The following RNF6 variants were observed in gnomAD, a reference collection of about 807,000 sequenced individuals.
RNF6 encodes the protein ring finger protein 6, also known as E3 ubiquitin-protein ligase RNF6.
Under a neutral mutation model 50.1 loss-of-function variants are expected in RNF6, and 21 were observed. That is an observed-to-expected ratio of 0.42 (90% confidence interval 0.30 to 0.60). The LOEUF is 0.60. Among genes scored for constraint, RNF6 ranks in the 20% least tolerant of loss-of-function variants. The pLI is 0.20. For missense variants in RNF6, 698 were observed against 838.2 expected (o/e 0.83, Z 2.07); for synonymous variants, 255 against 291.8 (o/e 0.87, Z 1.29).
At chr13:26,140,478 G>T (rs2137553835) in intron 5 of RNF6, among the ~76,000 whole-genome samples, 1 of 152,154 alleles carries the variant, frequency 6.6e-6, no homozygotes, top group East Asian at 1.9e-4. Flanking sequence ...AACAAACTAG[G>T]AATCAAAGGA....
intron 5 of RNF6, among the ~76,000 whole-genome samples, chr13:26,165,414 G>A (rs1447034024): frequency 6.6e-6 from 1 of 152,216 alleles, no homozygotes; most frequent in Non-Finnish European, 1.5e-5. Flanking sequence ...AGCCTGCATA[G>A]GGAGTCTCTA....
chr13:26,140,263 G>A (rs1032080203), intron 5 of RNF6, among the ~76,000 whole-genome samples: 5 of 152,140 alleles, frequency 3.3e-5, no homozygotes, highest in African/African-American at 1.2e-4. Flanking sequence ...ATTGAAAGGA[G>A]TTTAATTGAG....
chr13:26,204,019 C>T (rs1001065539), intron 5 of RNF6, among the ~76,000 whole-genome samples: 1 of 152,146 alleles, frequency 6.6e-6, no homozygotes, highest in Admixed American at 6.5e-5. Context: ...AGCCTCCTTC[C>T]TTCCCTTTCT....
intron 5 of RNF6, among the ~76,000 whole-genome samples, chr13:26,207,496 C>G (rs752760088): frequency 2.0e-5 from 3 of 152,082 alleles, no homozygotes; most frequent in African/African-American, 7.2e-5. Flanking sequence ...AGTGACAACC[C>G]TAAGACAATA....
At chr13:26,197,037 C>T (rs1239787921) in intron 5 of RNF6, among the ~76,000 whole-genome samples, 1 of 151,840 alleles carries the variant, frequency 6.6e-6, no homozygotes, top group Non-Finnish European at 1.5e-5. Flanking sequence ...GGAAATGGGA[C>T]ATGGGAAGAG....
At chr13:26,152,801 G>A (rs1871689750) in intron 5 of RNF6, among the ~76,000 whole-genome samples, 1 of 152,190 alleles carries the variant, frequency 6.6e-6, no homozygotes, top group Admixed American at 6.5e-5. Context: ...GAAGGGAGAA[G>A]TCAGCATGGA....
chr13:26,182,691 G>C (rs964489198), intron 5 of RNF6, among the ~76,000 whole-genome samples: 1 of 152,130 alleles, frequency 6.6e-6, no homozygotes, highest in African/African-American at 2.4e-5. Flanking sequence ...TGTAGTCCCA[G>C]CTACTCAGGA....
intron 5 of RNF6, among the ~76,000 whole-genome samples, chr13:26,170,299 CA>C (rs1872636731): frequency 1.3e-5 from 2 of 150,320 alleles, no homozygotes; most frequent in South Asian, 4.2e-4. Context: ...AAAATTTAAT[CA>C]AAAGCAAAAT....
chr13:26,187,399 C>A (rs1007769880), intron 5 of RNF6, among the ~76,000 whole-genome samples: 8 of 152,298 alleles, frequency 5.3e-5, no homozygotes, highest in South Asian at 4.1e-4. Context: ...AGAATGTCAG[C>A]CCGTGAGCTC....
At chr13:26,219,699 G>A (rs748430160) in intron 2 of RNF6, 32 bp from the exon 3 acceptor site, 2 of 1,560,682 alleles carry the variant, frequency 1.3e-6, no homozygotes, top group African/African-American at 1.4e-5. Flanking sequence ...CATTCAAGGT[G>A]TTAAGTCATG....
In RNF6 at chr13:26,213,864, C is replaced by T. The variant is rs140880434; in HGVS notation, c.2018G>A (p.Arg673Gln). The change falls in exon 5 of 5, where the codon CGG becomes CAG. Residue 673 changes from arginine (R) to glutamine (Q), a missense_variant. Coordinates refer to ENST00000381588, the MANE Select transcript of RNF6 (RefSeq NM_005977.4). ...LSENCTCPIC[R>Q]QPVLGSNIAN... ...TATGTTAGACCCTAAAACAGGCTGC[C>T]GACAGATCGGACAAGTGCAATTCTC... The T allele has an allele frequency of 3.0e-5, 48 of 1,613,302 alleles. No individual in the cohort carries two copies. The highest frequency in any genetic ancestry group is 4.0e-5 in the Non-Finnish European group (47 of 1,179,580).
At chr13:26,175,793 C>G (rs1002856867) in intron 5 of RNF6, among the ~76,000 whole-genome samples, 2 of 152,170 alleles carry the variant, frequency 1.3e-5, no homozygotes, top group African/African-American at 4.8e-5. Flanking sequence ...TAGCAAGATG[C>G]AAGACAATTT....
At chr13:26,132,506 T>A in intron 5 of RNF6, 1 of 450,390 alleles carries the variant, frequency 2.2e-6, no homozygotes, top group Non-Finnish European at 4.5e-6. Context: ...ATGTACTATG[T>A]TTAAACTTCC....
chr13:26,157,433 TAAGA>T (rs1302902340), intron 5 of RNF6, among the ~76,000 whole-genome samples: 37 of 152,026 alleles, frequency 2.4e-4, no homozygotes, highest in Non-Finnish European at 4.3e-4. Flanking sequence ...AAAGTTCTGT[TAAGA>T]AAGAAACATG....
rs560416033 is a variant in RNF6 at position 26,216,969 on chromosome 13, C to A, written c.290-1377G>T. 7.9e-5 allele frequency among the ~76,000 whole-genome samples: 12 copies of A among 152,178 alleles called. No individual in the cohort carries two copies. The East Asian group carries it at 9.7e-4, about 12-fold the overall frequency. On this transcript the variant is annotated intron_variant, in intron 4 of 4. Transcript: ENST00000381588. ...GACTCTGTCTCAAAAAATAAATAAA[C>A]AAATAAATAAAATAGCTATTATATG...
chr13:26,218,857 G>A (rs183858588), intron 3 of RNF6, among the ~76,000 whole-genome samples: 3 of 152,214 alleles, frequency 2.0e-5, no homozygotes, highest in Admixed American at 2.0e-4. Flanking sequence ...GTAAAGTGCT[G>A]CCAGTTGATA....
At chr13:26,155,055 A>G in intron 5 of RNF6, among the ~76,000 whole-genome samples, 1 of 151,306 alleles carries the variant, frequency 6.6e-6, no homozygotes. Context: ...CAAAAAAAAA[A>G]CTCCTAATCA....
intron 5 of RNF6, among the ~76,000 whole-genome samples, chr13:26,151,849 A>G (rs2137585993): frequency 6.6e-6 from 1 of 152,276 alleles, no homozygotes; most frequent in Non-Finnish European, 1.5e-5. Context: ...CCTTTGAAAC[A>G]TCTCTTGTAT....
chr13:26,161,252 T>G (rs1872199843), intron 5 of RNF6, among the ~76,000 whole-genome samples: 1 of 152,262 alleles, frequency 6.6e-6, no homozygotes, highest in Non-Finnish European at 1.5e-5. Context: ...TTCTGATATC[T>G]GGATTAGCAA....
Sources: allele counts gnomAD v4.1 joint callset (sites outside exome capture counted in the v4.1 genomes callset), GRCh38; gene constraint gnomAD v4.1.1; transcripts MANE v1.5; gene names NCBI Gene and HGNC (gene_info 2026-07-23, HGNC 2026-07-21).